The following NAB1 variants were observed in gnomAD, a reference collection of about 807,000 sequenced individuals.
NAB1 encodes the protein NGFI-A-binding protein 1.
Under a neutral mutation model 49.9 loss-of-function variants are expected in NAB1, and 25 were observed. That is an observed-to-expected ratio of 0.50 (90% CI 0.37 to 0.70). The LOEUF (loss-of-function observed/expected upper bound fraction) is 0.70, where lower values mean the gene tolerates loss of function less well. NAB1 is among the 30% of genes least tolerant of loss of function. The probability of loss-of-function intolerance (pLI) is 0.00; values close to 1 mark genes in which losing one functional copy is unlikely to be tolerated. For missense variants in NAB1, 489 were observed against 575.9 expected (o/e 0.85, Z 1.54); for synonymous variants, 198 against 215.6 (o/e 0.92, Z 0.71).
rs1242300966 is a variant in NAB1, at chr2:190,667,575, AAAT to A, written c.820-2748_820-2746del. 1.3e-5 allele frequency among the ~76,000 whole-genome samples: 2 copies of A among 152,208 alleles called. No homozygotes were observed. The highest frequency in any genetic ancestry group is 2.9e-5 in the Non-Finnish European group (2 of 68,026). The stretch of plus-strand genomic sequence containing the variant: ...CTTTAGGAGGAGTGGAGAAGGCTGA[AAAT>A]AAATTCTTCCTTCAATTATGCTTTC... On this transcript the variant is annotated intron_variant, in intron 4 of 9. Transcript: ENST00000337386. This position sits in a 1 kb window ranked among gnomAD's most constrained non-coding sequence, Gnocchi z 4.4.
Position 190,659,551 on chromosome 2 carries a change from A to G in NAB1, c.375A>G (p.Leu125=). Residue 125 remains leucine (L), a synonymous_variant, in exon 4 of 10, where the codon TTA becomes TTG. Coordinates refer to ENST00000337386, the MANE Select transcript of NAB1 (RefSeq NM_005966.4). The surrounding 1 kb of genome is among the most constrained non-coding windows in gnomAD (Gnocchi z 6.2). Reference sequence around the variant, plus strand: ...GTAGCAATGCCCGGGAACCTCATTTAAAAATCCCCAAATGTGCTGCCACCA... The same window carrying G: ...GTAGCAATGCCCGGGAACCTCATTTGAAAATCCCCAAATGTGCTGCCACCA... ...ERSSNAREPH[L]KIPKCAATTC... 2 of 1,614,252 alleles carry G rather than the reference A, an allele frequency of 1.2e-6. No individual in the cohort carries two copies. Among genetic ancestry groups the G allele is most frequent in the Middle Eastern group, 1.6e-4 (1 of 6,062 alleles).
Position 190,678,411 on chromosome 2 carries a change from C to T in NAB1, c.1005+5259C>T, listed in dbSNP as rs1386125623. On this transcript the variant is annotated intron_variant, in intron 6 of 9. Transcript: ENST00000337386. This position sits in a 1 kb window ranked among gnomAD's most constrained non-coding sequence, Gnocchi z 4.9. Reference sequence around the variant, plus strand: ...TAGAAGGGAGGAAGGATATATAAAGCTACAGTCTCAGACCTGGTGATGGCA... The same window carrying T: ...TAGAAGGGAGGAAGGATATATAAAGTTACAGTCTCAGACCTGGTGATGGCA... Among the ~76,000 whole-genome samples, 1 of 152,186 alleles carries T rather than the reference C, an allele frequency of 6.6e-6. No homozygotes were observed. The highest frequency in any genetic ancestry group is 1.5e-5 in the Non-Finnish European group (1 of 68,024).
Position 190,649,794 on chromosome 2 carries a change from G to A in NAB1, c.-333-52G>A, listed in dbSNP as rs1001958031. 6.6e-6 allele frequency: 1 copy of A among 152,200 alleles called. No individual in the cohort carries two copies. Among genetic ancestry groups the A allele is most frequent in the Non-Finnish European group, 1.5e-5 (1 of 68,036 alleles). 9.4% of individuals were successfully genotyped at this position (152,200 alleles called of 1,614,324 possible). ...ATAAAAGTGCTGCACTTACCGTCTCGATTTTCTTCTTGGGTATCTTCCCTT... is the reference window on the plus strand; with the variant it reads ...ATAAAAGTGCTGCACTTACCGTCTCAATTTTCTTCTTGGGTATCTTCCCTT... On this transcript the variant is annotated intron_variant, in intron 1 of 9. Coordinates refer to ENST00000337386, the MANE Select transcript of NAB1 (RefSeq NM_005966.4). The surrounding 1 kb of genome is among the most constrained non-coding windows in gnomAD (Gnocchi z 6.1).
In NAB1 at chr2:190,676,691, G is replaced by GA. The variant is rs1385212212; in HGVS notation, c.1005+3546dup. Among the ~76,000 whole-genome samples, 1 of 152,000 alleles carries GA rather than the reference G, an allele frequency of 6.6e-6. No individual in the cohort carries two copies. Among genetic ancestry groups the GA allele is most frequent in the East Asian group, 1.9e-4 (1 of 5,192 alleles). On this transcript the variant is annotated intron_variant, in intron 6 of 9. Transcript: ENST00000337386. This position sits in a 1 kb window ranked among gnomAD's most constrained non-coding sequence, Gnocchi z 4.6. ...GAGCACAACCTTGTCTCAAACAAAG[G>GA]AAAAAAAGTTTTTAAGTAACGTACA...
chr2:190,665,573 AT>A (rs1488550789), intron 4 of NAB1, among the ~76,000 whole-genome samples: 1 of 152,104 alleles, frequency 6.6e-6, no homozygotes, highest in African/African-American at 2.4e-5. Flanking sequence ...ATTTATGTGA[AT>A]TCATATTTCT....
chr2:190,688,553 T>G (rs1177179026), intron 9 of NAB1, among the ~76,000 whole-genome samples: 1 of 151,544 alleles, frequency 6.6e-6, no homozygotes, highest in African/African-American at 2.4e-5. Context: ...TAAAGTTTTT[T>G]CAAAAACGAA....
In NAB1 at chr2:190,669,759, G is replaced by GA. The variant is rs1171938768; in HGVS notation, c.820-564dup. 6.6e-6 allele frequency among the ~76,000 whole-genome samples: 1 copy of GA among 152,182 alleles called. No individual in the cohort carries two copies. Among genetic ancestry groups the GA allele is most frequent in the African/African-American group, 2.4e-5 (1 of 41,454 alleles). ...CAATATTTAATAATTACTGAATTAT[G>GA]AAAGGGTGGTAGAATTAGATGGATC... On this transcript the variant is annotated intron_variant, in intron 4 of 9. Transcript: ENST00000337386. This position sits in a 1 kb window ranked among gnomAD's most constrained non-coding sequence, Gnocchi z 4.3.
Position 190,670,255 on chromosome 2 carries a change from T to C in NAB1, c.820-71T>C. The C allele has an allele frequency of 7.2e-7, 1 of 1,397,250 alleles. No homozygotes were observed. The highest frequency in any genetic ancestry group is 9.8e-7 in the Non-Finnish European group (1 of 1,016,914). 86.6% of individuals were successfully genotyped at this position (1,397,250 alleles called of 1,614,324 possible). A position where few individuals can be genotyped will look rare whatever the true frequency, so the allele number is the denominator to read the frequency against. ...ATAATGGTGTAACATTCTTATATTT[T>C]AAGTGAAACCTTTTGCATTTTGATG... On this transcript the variant is annotated intron_variant, in intron 4 of 9. Coordinates refer to ENST00000337386, the MANE Select transcript of NAB1 (RefSeq NM_005966.4). This position sits in a 1 kb window ranked among gnomAD's most constrained non-coding sequence, Gnocchi z 5.3.
rs1191146686 is a variant in NAB1 at position 190,682,630 on chromosome 2, T to G, written c.1006-1108T>G. ...CTTTTAGAAAAATTAGAGGGTAGAT[T>G]TAAGTACTGAACCAAATTTCTGAAG... On this transcript the variant is annotated intron_variant, in intron 6 of 9. Transcript: ENST00000337386. The surrounding 1 kb of genome is among the most constrained non-coding windows in gnomAD (Gnocchi z 4.1). Among the ~76,000 whole-genome samples the G allele has an allele frequency of 2.0e-5, 3 of 152,196 alleles. No homozygotes were observed. The highest frequency in any genetic ancestry group is 7.2e-5 in the African/African-American group (3 of 41,448).
Position 190,659,073 on chromosome 2 carries a change from C to A in NAB1, c.-19-85C>A. 1.1e-6 allele frequency: 1 copy of A among 881,734 alleles called. No homozygotes were observed. Among genetic ancestry groups the A allele is most frequent in the Non-Finnish European group, 1.7e-6 (1 of 589,344 alleles). 54.6% of individuals were successfully genotyped at this position (881,734 alleles called of 1,614,324 possible). ...GATGCAGATGCTTCTCGTTTTTGTT[C>A]TTAAAACCTGTAGTGTAACCTATTT... is the stretch of plus-strand genomic sequence containing the variant. On this transcript the variant is annotated intron_variant, in intron 3 of 9. Transcript: ENST00000337386. The surrounding 1 kb of genome is among the most constrained non-coding windows in gnomAD (Gnocchi z 6.2).
At chr2:190,668,334 A>G (rs946838708) in intron 4 of NAB1, among the ~76,000 whole-genome samples, 2 of 152,170 alleles carry the variant, frequency 1.3e-5, no homozygotes, top group Admixed American at 6.5e-5. Flanking sequence ...TAAATAGTCT[A>G]TGGAAAACTG....
rs1244175510 is a variant in NAB1 at position 190,682,869 on chromosome 2, A to G, written c.1006-869A>G. ...TATGATAAACTAGTAAAGGCCCTCT[A>G]TAGGTTTAGCGAAAGTACATAAGGC... On this transcript the variant is annotated intron_variant, in intron 6 of 9. Transcript: ENST00000337386. This position sits in a 1 kb window ranked among gnomAD's most constrained non-coding sequence, Gnocchi z 4.1. Among the ~76,000 whole-genome samples the G allele has an allele frequency of 2.0e-5, 3 of 152,208 alleles. No individual in the cohort carries two copies. Among genetic ancestry groups the G allele is most frequent in the Admixed American group, 1.3e-4 (2 of 15,276 alleles).
chr2:190,685,598 C>T lies in NAB1; in HGVS notation c.1218C>T (p.His406=), dbSNP rs753617943. 8.7e-6 allele frequency: 14 copies of T among 1,613,746 alleles called. No homozygotes were observed. Among genetic ancestry groups the T allele is most frequent in the Non-Finnish European group, 1.2e-5 (14 of 1,179,886 alleles). Residue 406 remains histidine (H), a synonymous_variant, in exon 8 of 10, where the codon CAC becomes CAT. Transcript: ENST00000337386. This position sits in a 1 kb window ranked among gnomAD's most constrained non-coding sequence, Gnocchi z 4.5. ...AGLYRQSSEE[H]SPNGLTSDNS... ...TTTACAGGCAGAGCTCAGAAGAGCACAGTCCTAACGGCTTGACTTCCGATA... is the reference window on the plus strand; with the variant it reads ...TTTACAGGCAGAGCTCAGAAGAGCATAGTCCTAACGGCTTGACTTCCGATA...
At position 190,677,835 on chromosome 2, in the gene NAB1, C is replaced by A. The variant is rs540686414; in HGVS notation, c.1005+4683C>A. ...ATTCCTGAATGTCAAAGCAGTACCA[C>A]CTTCCTAGGTGCTAATGATTATTCA... On this transcript the variant is annotated intron_variant, in intron 6 of 9. Transcript: ENST00000337386. This position sits in a 1 kb window ranked among gnomAD's most constrained non-coding sequence, Gnocchi z 5.6. 8.6e-5 allele frequency among the ~76,000 whole-genome samples: 13 copies of A among 151,732 alleles called. No homozygotes were observed. In the East Asian group the frequency reaches 2.5e-3, roughly 29 times the overall value.
Position 190,692,420 on chromosome 2 carries a change from T to C in NAB1, c.*2087T>C, listed in dbSNP as rs1341761846. 1 of 152,592 alleles carries C rather than the reference T, an allele frequency of 6.6e-6. No homozygotes were observed. The highest frequency in any genetic ancestry group is 1.5e-5 in the Non-Finnish European group (1 of 68,026). The allele number at this position is 152,592 out of a possible 1,614,324, so 9.5% of individuals were successfully genotyped here. ...TAGTCTTTCAAGCTTAGTGATAAGG[T>C]GGAAGCACAAGAAAAATTTCAGTAG... On this transcript the variant is annotated 3_prime_UTR_variant, in exon 10 of 10. Coordinates refer to ENST00000337386, the MANE Select transcript of NAB1 (RefSeq NM_005966.4). The surrounding 1 kb of genome is among the most constrained non-coding windows in gnomAD (Gnocchi z 5.2).
intron 3 of NAB1, among the ~76,000 whole-genome samples, chr2:190,656,403 C>T (rs1490076731): frequency 6.6e-6 from 1 of 152,110 alleles, no homozygotes; most frequent in African/African-American, 2.4e-5. Flanking sequence ...TTATCACAGC[C>T]GGCTTTGGAA....
intron 2 of NAB1, among the ~76,000 whole-genome samples, chr2:190,650,296 G>C (rs973217132): frequency 3.9e-5 from 6 of 152,132 alleles, no homozygotes; most frequent in African/African-American, 1.2e-4. Context: ...GAGTCGATTT[G>C]GAGTAACTTG....
In NAB1 at chr2:190,673,155, A is replaced by T; in HGVS notation, c.1005+3A>T. 1 of 1,610,206 alleles carries T rather than the reference A, an allele frequency of 6.2e-7. No homozygotes were observed. The highest frequency in any genetic ancestry group is 8.5e-7 in the Non-Finnish European group (1 of 1,178,250). On this transcript the variant is annotated splice_donor_region_variant and intron_variant, in intron 6 of 9. Transcript: ENST00000337386. ...CCCCAAAGAGAATTAAAGTGGAGGT[A>T]TGGTCATATGTTACATTTTCTTATG...
Position 190,678,701 on chromosome 2 carries a change from G to C in NAB1, c.1006-5037G>C, listed in dbSNP as rs982541619. Among the ~76,000 whole-genome samples, 5 of 152,088 alleles carry C rather than the reference G, an allele frequency of 3.3e-5. No homozygotes were observed. Among genetic ancestry groups the C allele is most frequent in the East Asian group, 1.9e-4 (1 of 5,194 alleles). ...AGGTGGGGGTGGGAGAGCAAGGAAGGGGGAGGAAAGAGGTTCAGAATATCC... is the reference window on the plus strand; with the variant it reads ...AGGTGGGGGTGGGAGAGCAAGGAAGCGGGAGGAAAGAGGTTCAGAATATCC... On this transcript the variant is annotated intron_variant, in intron 6 of 9. Coordinates refer to ENST00000337386, the MANE Select transcript of NAB1 (RefSeq NM_005966.4). This position sits in a 1 kb window ranked among gnomAD's most constrained non-coding sequence, Gnocchi z 4.9.
Sources: allele counts gnomAD v4.1 joint callset (sites outside exome capture counted in the v4.1 genomes callset), GRCh38; gene constraint gnomAD v4.1.1; non-coding constraint Gnocchi (gnomAD v3.1); transcripts MANE v1.5; gene names NCBI Gene and HGNC (gene_info 2026-07-23, HGNC 2026-07-21).